Variants in PLPPR5 observed in about 807,000 individuals in gnomAD.
PLPPR5 encodes the protein phospholipid phosphatase related 5.
In PLPPR5, 16 loss-of-function variants were observed where a neutral mutation model predicts 33.9. That is an observed-to-expected ratio of 0.47 (90% CI 0.32 to 0.72). The LOEUF (loss-of-function observed/expected upper bound fraction) is 0.72. Ranked by LOEUF, PLPPR5 falls within the 30% of genes least tolerant of loss-of-function variation. The pLI is 0.03. For missense variants in PLPPR5, 301 were observed against 406.7 expected, an observed-to-expected ratio of 0.74 and a Z score of 2.23; for synonymous variants, 163 against 150.3, an observed-to-expected ratio of 1.08 and a Z score of -0.62.
chr1:98,958,564 T>C (rs1344714248), intron 1 of PLPPR5, among the ~76,000 whole-genome samples: 1 of 152,196 alleles, frequency 6.6e-6, no homozygotes, highest in African/African-American at 2.4e-5. Context: ...AACTCTGGCA[T>C]TGGTGAAGTA....
chr1:98,940,508 A>G lies in PLPPR5; in HGVS notation c.621+12562T>C, dbSNP rs1650333517. Among the ~76,000 whole-genome samples the G allele has an allele frequency of 2.0e-5, 3 of 151,924 alleles. No homozygotes were observed. The South Asian group carries it at 6.2e-4, about 32-fold the overall frequency. On this transcript the variant is annotated intron_variant, in intron 3 of 5. Transcript: ENST00000263177. ...GGGAAGACAGCTTTTAGCCAGGGCT[A>G]AGAGGGCCTTGTATAGCACACGTAG...
intron 1 of PLPPR5, among the ~76,000 whole-genome samples, chr1:98,982,806 G>T (rs1407986585): frequency 1.3e-5 from 2 of 152,062 alleles, no homozygotes; most frequent in African/African-American, 4.8e-5. Flanking sequence ...GAGGTCCCCT[G>T]TCTTCCTCAT....
chr1:98,977,588 A>T (rs1651906984), intron 1 of PLPPR5, among the ~76,000 whole-genome samples: 1 of 150,154 alleles, frequency 6.7e-6, no homozygotes, highest in Non-Finnish European at 1.5e-5. Context: ...TTTTATTGAC[A>T]CAAGTTATTT....
intron 3 of PLPPR5, among the ~76,000 whole-genome samples, chr1:98,946,891 A>G (rs1650576600): frequency 6.6e-6 from 1 of 152,176 alleles, no homozygotes; most frequent in South Asian, 2.1e-4. Context: ...TGTTTAATGT[A>G]TAACATTTAT....
At chr1:98,912,099 T>A (rs578105349) in intron 5 of PLPPR5, among the ~76,000 whole-genome samples, 5 of 152,216 alleles carry the variant, frequency 3.3e-5, no homozygotes, top group Non-Finnish European at 7.3e-5. Flanking sequence ...CTTTATTTAG[T>A]AAGTTAAACA....
At position 98,891,801 on chromosome 1, in the gene PLPPR5, A is replaced by G. The variant is rs1009576120; in HGVS notation, c.*1271T>C. 1.3e-5 allele frequency: 2 copies of G among 152,116 alleles called. No individual in the cohort carries two copies. The highest frequency in any genetic ancestry group is 2.1e-4 in the South Asian group (1 of 4,836). 9.4% of individuals were successfully genotyped at this position (152,116 alleles called of 1,614,324 possible). A position where few individuals can be genotyped will look rare whatever the true frequency, so the allele number is the denominator to read the frequency against. On this transcript the variant is annotated 3_prime_UTR_variant, in exon 6 of 6. Coordinates refer to ENST00000263177, the MANE Select transcript of PLPPR5 (RefSeq NM_001037317.2). ...CTGGCATTTCTTTATTTTTTGAACC[A>G]TAGGTAGTTGCCCAGGATTCTACTG...
intron 1 of PLPPR5, among the ~76,000 whole-genome samples, chr1:98,982,411 T>C (rs1029073216): frequency 2.6e-5 from 4 of 152,202 alleles, no homozygotes; most frequent in African/African-American, 7.2e-5. Flanking sequence ...AGCCAATTAA[T>C]AGCCAGAAGA....
intron 5 of PLPPR5, among the ~76,000 whole-genome samples, chr1:98,908,788 G>A (rs1649005706): frequency 6.6e-6 from 1 of 152,120 alleles, no homozygotes. Context: ...GAGAGCTATC[G>A]CCAAGATTTC....
chr1:98,971,057 G>C (rs1651640423), intron 1 of PLPPR5, among the ~76,000 whole-genome samples: 1 of 152,060 alleles, frequency 6.6e-6, no homozygotes, highest in Non-Finnish European at 1.5e-5. Flanking sequence ...GAGGAGTAGA[G>C]AACAAAGTGT....
At chr1:98,893,458 A>G (rs902106705) in intron 5 of PLPPR5, among the ~76,000 whole-genome samples, 10 of 151,974 alleles carry the variant, frequency 6.6e-5, no homozygotes, top group Admixed American at 5.9e-4. Flanking sequence ...TTGCTCCCTG[A>G]GAGACAGATG....
chr1:98,952,155 C>A (rs912669979), intron 3 of PLPPR5, among the ~76,000 whole-genome samples: 2 of 150,900 alleles, frequency 1.3e-5, no homozygotes, highest in African/African-American at 4.9e-5. Flanking sequence ...CCCAGCTACT[C>A]GGAAGGCTGA....
intron 2 of PLPPR5, among the ~76,000 whole-genome samples, chr1:98,955,859 T>A (rs1438861734): frequency 6.6e-6 from 1 of 152,096 alleles, no homozygotes; most frequent in Admixed American, 6.6e-5. Context: ...ATCTGATAAA[T>A]CCAGGAAACA....
In PLPPR5 at chr1:98,892,398, T is replaced by C. The variant is rs1648308963; in HGVS notation, c.*674A>G. On this transcript the variant is annotated 3_prime_UTR_variant, in exon 6 of 6. Coordinates refer to ENST00000263177, the MANE Select transcript of PLPPR5 (RefSeq NM_001037317.2). Reference sequence around the variant, plus strand: ...ATAAATAATTTTTAATTATGATACATTACTTATTACAGTAAAAATTGGCAT... The same window carrying C: ...ATAAATAATTTTTAATTATGATACACTACTTATTACAGTAAAAATTGGCAT... 1 of 152,502 alleles carries C rather than the reference T, an allele frequency of 6.6e-6. No homozygotes were observed. The highest frequency in any genetic ancestry group is 1.5e-5 in the Non-Finnish European group (1 of 67,990). The allele number at this position is 152,502 out of a possible 1,614,324, so 9.4% of individuals were successfully genotyped here.
At chr1:98,912,776 G>C (rs1649202487) in intron 5 of PLPPR5, among the ~76,000 whole-genome samples, 1 of 152,168 alleles carries the variant, frequency 6.6e-6, no homozygotes, top group South Asian at 2.1e-4. Flanking sequence ...TGTGAGGACT[G>C]AAATTGTATT....
intron 5 of PLPPR5, among the ~76,000 whole-genome samples, chr1:98,901,396 A>C (rs6675949): frequency 1.1e-4 from 16 of 151,944 alleles, no homozygotes; most frequent in African/African-American, 3.6e-4. Context: ...GTATGCATTC[A>C]TCAAAACTCA....
chr1:98,948,524 T>A (rs1261509284), intron 3 of PLPPR5, among the ~76,000 whole-genome samples: 4 of 152,206 alleles, frequency 2.6e-5, no homozygotes, highest in Non-Finnish European at 5.9e-5. Context: ...CTAGGTGGAA[T>A]CTATTTCTCT....
intron 1 of PLPPR5, among the ~76,000 whole-genome samples, chr1:98,973,161 T>C (rs1651715269): frequency 6.6e-6 from 1 of 152,100 alleles, no homozygotes; most frequent in African/African-American, 2.4e-5. Flanking sequence ...TGTTTAAATA[T>C]CTAAGTCCGA....
intron 2 of PLPPR5, among the ~76,000 whole-genome samples, chr1:98,954,858 A>G (rs568833145): frequency 1.4e-4 from 22 of 152,098 alleles, no homozygotes; most frequent in Non-Finnish European, 2.6e-4. Flanking sequence ...TCATTTGTAC[A>G]CCTTTGAAAT....
chr1:98,948,995 G>A (rs1285850921), intron 3 of PLPPR5, among the ~76,000 whole-genome samples: 1 of 152,122 alleles, frequency 6.6e-6, no homozygotes, highest in African/African-American at 2.4e-5. Flanking sequence ...GTGACCCGAG[G>A]AGGTCATTTC....
Sources: gnomAD v4.1 joint callset for allele counts (sites outside exome capture counted in the v4.1 genomes callset) on GRCh38, gnomAD v4.1.1 for gene constraint, MANE v1.5 for transcripts, NCBI Gene and HGNC (gene_info 2026-07-23, HGNC 2026-07-21) for gene names.